The following TNIK variants were observed in gnomAD, a reference collection of about 807,000 sequenced individuals.
The protein encoded by TNIK is TRAF2 and NCK interacting kinase.
A neutral mutation model predicts 191.3 loss-of-function variants in TNIK; 49 were observed. That is an observed-to-expected ratio of 0.26 (90% CI 0.20 to 0.32). The LOEUF is 0.32. Among genes scored for constraint, TNIK ranks in the 10% least tolerant of loss-of-function variants. The pLI, the probability that TNIK is intolerant of heterozygous loss-of-function variation, is 1.00. For synonymous variants in TNIK, 594 were observed against 600.9 expected, an observed-to-expected ratio of 0.99 and a Z score of 0.17; for missense variants, 1,155 against 1,702.3, an observed-to-expected ratio of 0.68 and a Z score of 5.66.
intron 2 of TNIK, among the ~76,000 whole-genome samples, chr3:171,265,060 G>A (rs1748204058): frequency 6.6e-6 from 1 of 152,154 alleles, no homozygotes; most frequent in African/African-American, 2.4e-5. Flanking sequence ...CAAAATGAGT[G>A]CTCATTAGGC....
intron 21 of TNIK, among the ~76,000 whole-genome samples, chr3:171,106,094 A>G (rs145167076): frequency 6.6e-6 from 1 of 152,226 alleles, no homozygotes; most frequent in East Asian, 1.9e-4. Flanking sequence ...TGAGGTGGCC[A>G]TAAGTCTGAA....
In TNIK at chr3:171,159,007, G is replaced by A. The variant is rs1450078172; in HGVS notation, c.1017-1343C>T. 6.6e-6 allele frequency among the ~76,000 whole-genome samples: 1 copy of A among 152,164 alleles called. No individual in the cohort carries two copies. Among genetic ancestry groups the A allele is most frequent in the Non-Finnish European group, 1.5e-5 (1 of 68,028 alleles). ...TGAGAGGGAGAAGGGTATGAGAGGA[G>A]GTCAGAGAGATAGGTGCGGGGCCGC... On this transcript the variant is annotated intron_variant, in intron 11 of 32. Coordinates refer to ENST00000436636, the MANE Select transcript of TNIK (RefSeq NM_015028.4). The surrounding 1 kb of genome is among the most constrained non-coding windows in gnomAD (Gnocchi z 4.1).
At chr3:171,066,483 TTTTG>T in intron 31 of TNIK, 89 bp downstream of exon 31, 1 of 1,523,522 alleles carries the variant, frequency 6.6e-7, no homozygotes, top group Non-Finnish European at 8.8e-7. Context: ...TTTTTTTTTT[TTTTG>T]TGGAATCAAA....
chr3:171,089,435 T>A (rs951361519), intron 23 of TNIK, among the ~76,000 whole-genome samples: 1 of 152,228 alleles, frequency 6.6e-6, no homozygotes, highest in African/African-American at 2.4e-5. Context: ...CTCTTTAGCA[T>A]AAATCACATG....
chr3:171,357,922 A>G (rs1263724544), intron 2 of TNIK, among the ~76,000 whole-genome samples: 1 of 152,124 alleles, frequency 6.6e-6, no homozygotes, highest in Non-Finnish European at 1.5e-5. Flanking sequence ...AGGTCATGTC[A>G]TAGGAACCTG....
chr3:171,184,135 A>G (rs1490545416), intron 7 of TNIK, among the ~76,000 whole-genome samples: 2 of 152,094 alleles, frequency 1.3e-5, no homozygotes, highest in African/African-American at 4.8e-5. Flanking sequence ...CAGGTTTACA[A>G]AAAGTTAAAT....
At chr3:171,342,322 G>T (rs1757619688) in intron 2 of TNIK, among the ~76,000 whole-genome samples, 1 of 152,190 alleles carries the variant, frequency 6.6e-6, no homozygotes, top group Admixed American at 6.5e-5. Context: ...AACATATTTT[G>T]AGAACCACTG....
chr3:171,379,516 C>T (rs1395735078), intron 1 of TNIK, among the ~76,000 whole-genome samples: 1 of 152,084 alleles, frequency 6.6e-6, no homozygotes, highest in Non-Finnish European at 1.5e-5. Context: ...CTTGTGCACA[C>T]AAGGAATGCA....
At position 171,139,413 on chromosome 3, in the gene TNIK, CAA is replaced by C. The variant is rs1491379678; in HGVS notation, c.1419+55_1419+56del. 151 of 1,503,014 alleles carry C rather than the reference CAA, an allele frequency of 1.0e-4. 1 individual carries two copies. The highest frequency in any genetic ancestry group is 2.7e-4 in the East Asian group (12 of 43,966). 93.1% of individuals were successfully genotyped at this position (1,503,014 alleles called of 1,614,324 possible). A position where few individuals can be genotyped will look rare whatever the true frequency, so the allele number is the denominator to read the frequency against. ...ACACACACACACACACACACACACA[CAA>C]ACACTTGCAAGATGAACACAGAGCA... On this transcript the variant is annotated intron_variant, in intron 14 of 32. Transcript: ENST00000436636.
chr3:171,181,307 G>A (rs779470486), intron 7 of TNIK, among the ~76,000 whole-genome samples: 1 of 152,250 alleles, frequency 6.6e-6, no homozygotes, highest in Non-Finnish European at 1.5e-5. Flanking sequence ...CTGGCACAGA[G>A]TAGGGCTCAA....
chr3:171,322,142 C>T (rs1755229925), intron 2 of TNIK, among the ~76,000 whole-genome samples: 2 of 152,118 alleles, frequency 1.3e-5, no homozygotes, highest in South Asian at 4.1e-4. Context: ...CCTTATTTAG[C>T]AATGCTCTCA....
intron 2 of TNIK, 37 bp downstream of exon 2, chr3:171,369,583 A>T: frequency 6.5e-7 from 1 of 1,532,318 alleles, no homozygotes; most frequent in Non-Finnish European, 8.8e-7. Context: ...ATGAACTGAA[A>T]CCGTACATAA....
chr3:171,190,572 C>G (rs1737929641), intron 6 of TNIK, 125 bp downstream of exon 6: 1 of 683,088 alleles, frequency 1.5e-6, no homozygotes, highest in African/African-American at 1.8e-5. Context: ...GAAACATTTT[C>G]CTTTCCATTT....
At chr3:171,187,460 T>C (rs1182536003) in intron 7 of TNIK, among the ~76,000 whole-genome samples, 1 of 152,174 alleles carries the variant, frequency 6.6e-6, no homozygotes, top group African/African-American at 2.4e-5. Flanking sequence ...AGGCAAATTT[T>C]CTGTCAACAC....
rs77513388 is a variant in TNIK, at chr3:171,272,500, G to A, written c.124-44279C>T. ...TGAAGTGTCCGTTTGGTCTTTTGATGCTGTCCCATAAATCCTATATGTTTT... is the reference window on the plus strand; with the variant it reads ...TGAAGTGTCCGTTTGGTCTTTTGATACTGTCCCATAAATCCTATATGTTTT... On this transcript the variant is annotated intron_variant, in intron 2 of 32. Coordinates refer to ENST00000436636, the MANE Select transcript of TNIK (RefSeq NM_015028.4). Among the ~76,000 whole-genome samples the A allele has an allele frequency of 1.8e-4, 28 of 152,296 alleles. 1 individual carries two copies. The East Asian group carries it at 5.4e-3, about 29-fold the overall frequency.
chr3:171,265,213 AC>A (rs34269980), intron 2 of TNIK, among the ~76,000 whole-genome samples: 2,920 of 152,358 alleles, frequency 0.019, 41 homozygotes, highest in Middle Eastern at 0.037. Flanking sequence ...CTGGCAAATG[AC>A]AAAATCCAAG....
intron 7 of TNIK, among the ~76,000 whole-genome samples, chr3:171,178,228 T>C (rs953671943): frequency 7.9e-5 from 12 of 152,162 alleles, no homozygotes; most frequent in Admixed American, 7.2e-4. Flanking sequence ...AGATAGTAGG[T>C]GTTATTTATA....
intron 18 of TNIK, among the ~76,000 whole-genome samples, chr3:171,118,456 A>G (rs1727108759): frequency 6.6e-6 from 1 of 152,220 alleles, no homozygotes; most frequent in Admixed American, 6.5e-5. Context: ...TTCATATGGA[A>G]CCAAAAAAGA....
intron 19 of TNIK, among the ~76,000 whole-genome samples, chr3:171,110,023 G>C (rs1004322724): frequency 4.4e-4 from 67 of 151,998 alleles, no homozygotes; most frequent in African/African-American, 1.6e-3. Flanking sequence ...TCCTGCCTCA[G>C]CCTCCCGAGT....
Sources: allele counts gnomAD v4.1 joint callset (sites outside exome capture counted in the v4.1 genomes callset), GRCh38; gene constraint gnomAD v4.1.1; non-coding constraint Gnocchi (gnomAD v3.1); transcripts MANE v1.5; gene names NCBI Gene and HGNC (gene_info 2026-07-23, HGNC 2026-07-21).